The following EP400 variants were observed in gnomAD, a reference collection of about 807,000 sequenced individuals.
EP400 encodes E1A-binding protein p400.
Under a neutral mutation model 354.1 loss-of-function variants are expected in EP400, and 105 were observed. The observed-to-expected ratio is 0.30, with a 90% CI of 0.25 to 0.35. EP400 has a LOEUF of 0.35. Ranked by LOEUF, EP400 falls within the 10% of genes least tolerant of loss-of-function variation. The pLI is 1.00. For synonymous variants in EP400, 1,646 were observed against 1,716.9 expected, an observed-to-expected ratio of 0.96 and a Z score of 1.02; for missense variants, 3,280 against 4,121.0, an observed-to-expected ratio of 0.80 and a Z score of 5.59.
intron 2 of EP400, 69 bp from the exon 3 acceptor site, chr12:131,979,622 TATG>T: frequency 7.3e-7 from 1 of 1,365,464 alleles, no homozygotes; most frequent in Non-Finnish European, 1.0e-6. Flanking sequence ...TTGGGATAAT[TATG>T]ATAATTTGAG....
Position 131,982,396 on chromosome 12 carries a change from C to G in EP400, c.1847C>G (p.Ser616Trp). ...PPSSQLPIPP[S>W]QPAQLALHVP... ...AGCAGCCAACTCCCCATCCCTCCCT[C>G]GCAGCCTGCACAGCTGGCCCTCCAC... Residue 616 changes from serine (S) to tryptophan (W), a missense_variant, in exon 5 of 53, where the codon TCG becomes TGG. Ser to Trp is a radical substitution (Grantham distance 177, BLOSUM62 -3). Around this residue, in one of 20 missense-constraint regions of EP400, gnomAD observed 800 missense variants for 840.0 expected, o/e 0.95. Transcript: ENST00000389561. 1 of 1,614,148 alleles carries G rather than the reference C, an allele frequency of 6.2e-7. No homozygotes were observed. Among genetic ancestry groups the G allele is most frequent in the Non-Finnish European group, 8.5e-7 (1 of 1,180,024 alleles).
In EP400 at chr12:132,025,494, T is replaced by G; in HGVS notation, c.4856-152T>G. The G allele has an allele frequency of 2.2e-6, 2 of 907,528 alleles. No individual in the cohort carries two copies. Among genetic ancestry groups the G allele is most frequent in the South Asian group, 2.2e-5 (1 of 45,920 alleles). The allele number at this position is 907,528 out of a possible 1,614,324, so 56.2% of individuals were successfully genotyped here. A position where few individuals can be genotyped will look rare whatever the true frequency, so the allele number is the denominator to read the frequency against. ...CACTGTCGGTGATGGGTTGCCACTT[T>G]CCTCACAGTAACTGAACTTTGCATT... On this transcript the variant is annotated intron_variant, in intron 24 of 52. Coordinates refer to ENST00000389561, the MANE Select transcript of EP400 (RefSeq NM_015409.5). This position sits in a 1 kb window ranked among gnomAD's most constrained non-coding sequence, Gnocchi z 4.1.
intron 32 of EP400, among the ~76,000 whole-genome samples, chr12:132,042,306 G>A (rs752963883): frequency 6.6e-6 from 1 of 152,122 alleles, no homozygotes; most frequent in Admixed American, 6.5e-5. Context: ...CCGATAAAAG[G>A]CCTTTGTTTG....
chr12:132,074,225 G>A (rs1028804227), intron 51 of EP400, among the ~76,000 whole-genome samples: 1 of 152,064 alleles, frequency 6.6e-6, no homozygotes, highest in African/African-American at 2.4e-5. Context: ...GCGCCCGGTC[G>A]GCATTGTTTT....
In EP400 at chr12:131,961,509, C is replaced by T. The variant is rs754628572; in HGVS notation, c.890C>T (p.Thr297Ile). The change falls in exon 2 of 53, where the codon ACA becomes ATA. Residue 297 changes from threonine (T) to isoleucine (I), a missense_variant. Thr to Ile is a moderately conservative substitution (Grantham distance 89). Around this residue, in one of 20 missense-constraint regions of EP400, gnomAD observed 85 missense variants for 180.3 expected, o/e 0.47. Transcript: ENST00000389561. Reference protein sequence around the residue: ...PLPRPLGFERTPGVLLPGAGG... With the variant: ...PLPRPLGFERIPGVLLPGAGG... ...CCCCGGCCCCTGGGCTTCGAGAGGA[C>T]ACCCGGCGTGCTGCTCCCCGGGGCT... 6 of 1,581,216 alleles carry T rather than the reference C, an allele frequency of 3.8e-6. No individual in the cohort carries two copies. Among genetic ancestry groups the T allele is most frequent in the South Asian group, 1.1e-5 (1 of 88,326 alleles).
At chr12:132,022,593 G>A (rs1294566828) in intron 23 of EP400, among the ~76,000 whole-genome samples, 1 of 151,912 alleles carries the variant, frequency 6.6e-6, no homozygotes, top group East Asian at 1.9e-4. Flanking sequence ...TTTTTGAGTT[G>A]GGGGCAAATG....
chr12:132,025,904 G>A lies in EP400; in HGVS notation c.5014+100G>A, dbSNP rs141958543. ...TTCATGTGTCTTTGACTGTATCTCA[G>A]AACAGCACAGTCTAGTGTGTGGCCA... On this transcript the variant is annotated intron_variant, in intron 25 of 52. Transcript: ENST00000389561. This position sits in a 1 kb window ranked among gnomAD's most constrained non-coding sequence, Gnocchi z 4.1. 377 of 1,348,050 alleles carry A rather than the reference G, an allele frequency of 2.8e-4. 3 individuals are homozygous for A. Among genetic ancestry groups the A allele is most frequent in the South Asian group, 5.7e-4 (36 of 63,172 alleles). 83.5% of individuals were successfully genotyped at this position (1,348,050 alleles called of 1,614,324 possible).
chr12:131,952,928 A>C (rs1412371859), intron 1 of EP400, among the ~76,000 whole-genome samples: 1 of 152,124 alleles, frequency 6.6e-6, no homozygotes, highest in Non-Finnish European at 1.5e-5. Flanking sequence ...AAATACATAG[A>C]GCTCGTTAAG....
chr12:131,950,509 G>A (rs1891432315), intron 1 of EP400, among the ~76,000 whole-genome samples: 1 of 152,152 alleles, frequency 6.6e-6, no homozygotes, highest in Non-Finnish European at 1.5e-5. Context: ...GAGGCGCGAC[G>A]GGGCGAATTC....
chr12:132,061,850 T>C (rs1285997177), intron 45 of EP400, among the ~76,000 whole-genome samples: 1 of 152,238 alleles, frequency 6.6e-6, no homozygotes, highest in Non-Finnish European at 1.5e-5. Context: ...CAGGACGGCC[T>C]TTCCAGCATG....
intron 29 of EP400, chr12:132,031,127 G>A: frequency 2.3e-6 from 1 of 438,032 alleles, no homozygotes; most frequent in Non-Finnish European, 4.6e-6. Context: ...TTCGTTTCTG[G>A]CACAGAAATC....
At chr12:131,960,113 C>T (rs1203932108) in intron 1 of EP400, among the ~76,000 whole-genome samples, 3 of 152,208 alleles carry the variant, frequency 2.0e-5, no homozygotes, top group Admixed American at 1.3e-4. Context: ...TAGGGAGAGA[C>T]GGGCGGAAGC....
intron 12 of EP400, among the ~76,000 whole-genome samples, chr12:131,997,831 G>C (rs768329064): frequency 6.6e-6 from 1 of 152,122 alleles, no homozygotes; most frequent in Admixed American, 6.6e-5. Flanking sequence ...GTTGTCCACC[G>C]ATCAGCTATA....
At position 131,994,755 on chromosome 12, in the gene EP400, T is replaced by G. The variant is rs1174525676; in HGVS notation, c.2738-112T>G. Reference sequence around the variant, plus strand: ...ACCTGAGAAGTTTAAAAGCTCAGTTTCAATTTCTGTAATAGCTATGCAAAA... The same window carrying G: ...ACCTGAGAAGTTTAAAAGCTCAGTTGCAATTTCTGTAATAGCTATGCAAAA... On this transcript the variant is annotated intron_variant, in intron 11 of 52. Coordinates refer to ENST00000389561, the MANE Select transcript of EP400 (RefSeq NM_015409.5). The surrounding 1 kb of genome is among the most constrained non-coding windows in gnomAD (Gnocchi z 4.6). 4.9e-6 allele frequency: 4 copies of G among 811,210 alleles called. No individual in the cohort carries two copies. The highest frequency in any genetic ancestry group is 7.7e-6 in the Non-Finnish European group (4 of 519,418). The allele number at this position is 811,210 out of a possible 1,614,324, so 50.3% of individuals were successfully genotyped here. A position where few individuals can be genotyped will look rare whatever the true frequency, so the allele number is the denominator to read the frequency against.
chr12:131,954,471 TC>T (rs1373575757), intron 1 of EP400, among the ~76,000 whole-genome samples: 1 of 152,106 alleles, frequency 6.6e-6, no homozygotes, highest in South Asian at 2.1e-4. Flanking sequence ...GTGCCTGTAA[TC>T]CCAGCACTTT....
chr12:132,061,005 A>G (rs1355988984), intron 45 of EP400, among the ~76,000 whole-genome samples: 2 of 152,162 alleles, frequency 1.3e-5, no homozygotes, highest in Non-Finnish European at 2.9e-5. Flanking sequence ...ACTGAATGAT[A>G]TGCTTTAAGC....
intron 30 of EP400, among the ~76,000 whole-genome samples, 196 bp from the exon 31 acceptor site, chr12:132,037,486 C>T (rs1894757868): frequency 6.6e-6 from 1 of 152,188 alleles, no homozygotes; most frequent in Admixed American, 6.5e-5. Context: ...CTCCTGTCAG[C>T]TCTCTGGGAG....
At chr12:132,064,961 G>A (rs915898903) in intron 48 of EP400, 75 bp downstream of exon 48, 31 of 1,518,872 alleles carry the variant, frequency 2.0e-5, no homozygotes, top group Non-Finnish European at 2.5e-5. Context: ...CGCTTGCTCA[G>A]GTGCGTGTCA....
chr12:131,979,649 T>TG, intron 2 of EP400, 45 bp from the exon 3 acceptor site: 1 of 1,530,534 alleles, frequency 6.5e-7, no homozygotes, highest in Non-Finnish European at 8.8e-7. Flanking sequence ...ATTCTTGTAA[T>TG]GGCCTTCAGT....
Sources: gnomAD v4.1 joint callset for allele counts (sites outside exome capture counted in the v4.1 genomes callset) on GRCh38, gnomAD v4.1.1 for gene constraint, gnomAD v4.1.1 regional missense constraint, Gnocchi (gnomAD v3.1) non-coding constraint, MANE v1.5 for transcripts, NCBI Gene and HGNC (gene_info 2026-07-23, HGNC 2026-07-21) for gene names.